The following CLVS1 variants were observed in gnomAD, a reference collection of about 807,000 sequenced individuals.
The protein encoded by CLVS1 is clavesin 1, also known as clavesin-1.
In CLVS1, 10 loss-of-function variants were observed where a neutral mutation model predicts 33.1. The observed-to-expected ratio is 0.30, with a 90% CI of 0.19 to 0.51. CLVS1 has a LOEUF of 0.51. Among genes scored for constraint, CLVS1 ranks in the 20% least tolerant of loss-of-function variants. The pLI is 0.97. For synonymous variants in CLVS1, 163 were observed against 166.1 expected, an observed-to-expected ratio of 0.98 and a Z score of 0.14; for missense variants, 343 against 433.4, an observed-to-expected ratio of 0.79 and a Z score of 1.85.
At chr8:61,032,980 GGAAGGAAGGAAGGAAA>G in the CLVS1 span, among the ~76,000 whole-genome samples, 52 of 72,572 alleles carry the variant, frequency 7.2e-4, 1 homozygote, top group African/African-American at 1.5e-3. Flanking sequence ...AAGGAAGGAA[GGAAGGAAGGAAGGAAA>G]GAAAGAAAGA....
chr8:61,190,239 A>C (rs139009147), intron 2 of CLVS1, among the ~76,000 whole-genome samples: 10 of 152,358 alleles, frequency 6.6e-5, no homozygotes, highest in Non-Finnish European at 1.0e-4. Flanking sequence ...CTGCTCAACT[A>C]CATGGAAACT....
At chr8:61,113,577 T>C (rs1440369220) in intron 1 of CLVS1, among the ~76,000 whole-genome samples, 1 of 152,166 alleles carries the variant, frequency 6.6e-6, no homozygotes, top group Non-Finnish European at 1.5e-5. Context: ...GTTCACTCCT[T>C]CTATGCAAAA....
At chr8:61,233,727 G>C (rs966476340) in intron 2 of CLVS1, among the ~76,000 whole-genome samples, 1 of 152,184 alleles carries the variant, frequency 6.6e-6, no homozygotes, top group African/African-American at 2.4e-5. Context: ...CTGGGAAAAG[G>C]GCCTGTGACA....
intron 2 of CLVS1, among the ~76,000 whole-genome samples, chr8:61,362,007 C>G (rs962418806): frequency 1.3e-5 from 2 of 152,050 alleles, no homozygotes; most frequent in African/African-American, 4.8e-5. Context: ...GTGTCAAGGA[C>G]AGAGTGAGGA....
intron 1 of CLVS1, among the ~76,000 whole-genome samples, chr8:61,118,803 G>A (rs200592885): frequency 4.6e-5 from 7 of 152,148 alleles, no homozygotes; most frequent in African/African-American, 1.4e-4. Context: ...TATGTGGTCA[G>A]TTTTGGAAGA....
chr8:61,090,785 T>G, intron 1 of CLVS1: 1 of 479,026 alleles, frequency 2.1e-6, no homozygotes, highest in South Asian at 1.6e-5. Flanking sequence ...CAGAGAAGAA[T>G]TTTCCTCTAG....
intron 5 of CLVS1, among the ~76,000 whole-genome samples, chr8:61,483,274 C>T (rs1337965036): frequency 6.6e-6 from 1 of 152,132 alleles, no homozygotes; most frequent in African/African-American, 2.4e-5. Context: ...CCACCAATCC[C>T]ACAGAAATAC....
intron 1 of CLVS1, among the ~76,000 whole-genome samples, chr8:61,098,565 A>G (rs1805394689): frequency 6.6e-6 from 1 of 152,154 alleles, no homozygotes; most frequent in Non-Finnish European, 1.5e-5. Flanking sequence ...ACTTTCATCC[A>G]AAGCTCAAAG....
intron 3 of CLVS1, among the ~76,000 whole-genome samples, chr8:61,403,362 G>T (rs975875244): frequency 6.6e-6 from 1 of 152,214 alleles, no homozygotes; most frequent in Non-Finnish European, 1.5e-5. Flanking sequence ...GCTCTGGGCT[G>T]AAGGATGATG....
At chr8:60,966,699 T>C in the CLVS1 span, 1 of 213,244 alleles carries the variant, frequency 4.7e-6, no homozygotes, top group East Asian at 1.2e-4. Context: ...AAGTAATGAA[T>C]GAACACAAAT....
In CLVS1 at chr8:61,388,318, A is replaced by AT. The variant is rs1212623706; in HGVS notation, c.630+11548dup. 7.4e-4 allele frequency among the ~76,000 whole-genome samples: 109 copies of AT among 146,814 alleles called. 1 individual carries two copies. Among genetic ancestry groups the AT allele is most frequent in the Admixed American group, 1.7e-3 (25 of 14,832 alleles). ...CATGGTGTTCCTATCTGAATCAATC[A>AT]TTTTTTTTTGGTTGATTCAGACAGG... On this transcript the variant is annotated intron_variant, in intron 3 of 5. Transcript: ENST00000325897.
intron 2 of CLVS1, among the ~76,000 whole-genome samples, chr8:61,273,042 T>C (rs1408572046): frequency 6.6e-6 from 1 of 151,210 alleles, no homozygotes; most frequent in Non-Finnish European, 1.5e-5. Flanking sequence ...GGTGAGGAAC[T>C]GCGTTCCTTT....
At chr8:60,974,217 G>A in the CLVS1 span, among the ~76,000 whole-genome samples, 4 of 152,146 alleles carry the variant, frequency 2.6e-5, no homozygotes, top group African/African-American at 9.7e-5. Context: ...TCTGTGGGGA[G>A]GTGAGATGGG....
At position 61,337,647 on chromosome 8, in the gene CLVS1, T is replaced by C. The variant is rs180689716; in HGVS notation, c.455+37365T>C. ...CAATTTGTGATGTGGGCTGTTTATGTGTCTTCCCATACAACCATTTAATCT... is the reference window on the plus strand; with the variant it reads ...CAATTTGTGATGTGGGCTGTTTATGCGTCTTCCCATACAACCATTTAATCT... On this transcript the variant is annotated intron_variant, in intron 2 of 5. Coordinates refer to ENST00000325897, the MANE Select transcript of CLVS1 (RefSeq NM_173519.3). Among the ~76,000 whole-genome samples the C allele has an allele frequency of 2.6e-3, 394 of 152,330 alleles. 3 individuals are homozygous for C. Among genetic ancestry groups the C allele is most frequent in the African/African-American group, 9.1e-3 (380 of 41,578 alleles).
chr8:61,476,423 C>T (rs890290373), intron 5 of CLVS1, among the ~76,000 whole-genome samples: 9 of 152,144 alleles, frequency 5.9e-5, no homozygotes, highest in African/African-American at 2.2e-4. Context: ...TTCTTCCTAC[C>T]CATGAGCATG....
chr8:61,301,552 A>G (rs1404896335), intron 2 of CLVS1, among the ~76,000 whole-genome samples: 1 of 152,228 alleles, frequency 6.6e-6, no homozygotes, highest in Non-Finnish European at 1.5e-5. Context: ...TTGAATATTA[A>G]TGACAAGCTC....
rs191790326 is a variant in CLVS1, at chr8:61,305,892, T to A, written c.455+5610T>A. ...GTCCCTGCAAAGGACATTATCTCACTCTTTTTTGTGGCTGCATAGTATTTC... is the reference window on the plus strand; with the variant it reads ...GTCCCTGCAAAGGACATTATCTCACACTTTTTTGTGGCTGCATAGTATTTC... On this transcript the variant is annotated intron_variant, in intron 2 of 5. Transcript: ENST00000325897. Among the ~76,000 whole-genome samples the A allele has an allele frequency of 5.1e-4, 78 of 152,354 alleles. 1 individual carries two copies. Among genetic ancestry groups the A allele is most frequent in the Admixed American group, 3.1e-3 (48 of 15,302 alleles).
intron 5 of CLVS1, among the ~76,000 whole-genome samples, chr8:61,478,011 G>A (rs1487277904): frequency 6.6e-6 from 1 of 152,140 alleles, no homozygotes; most frequent in Non-Finnish European, 1.5e-5. Context: ...ATTCTGGTGT[G>A]TTATGTCTTT....
chr8:61,016,315 A>G, the CLVS1 span, among the ~76,000 whole-genome samples: 1 of 152,238 alleles, frequency 6.6e-6, no homozygotes, highest in Non-Finnish European at 1.5e-5. Flanking sequence ...CCTGTAGCAC[A>G]TGGATGTGAT....
Sources: gnomAD v4.1 joint callset for allele counts (sites outside exome capture counted in the v4.1 genomes callset) on GRCh38, gnomAD v4.1.1 for gene constraint, MANE v1.5 for transcripts, NCBI Gene and HGNC (gene_info 2026-07-23, HGNC 2026-07-21) for gene names.